Variants in JUNB observed in about 807,000 individuals in gnomAD.
The protein encoded by JUNB is JunB proto-oncogene, AP-1 transcription factor subunit, also known as transcription factor JunB.
Under a neutral mutation model 16.4 loss-of-function variants are expected in JUNB, and 6 were observed. The observed-to-expected ratio is 0.37, with a 90% CI of 0.20 to 0.72. JUNB has a LOEUF of 0.72. JUNB is among the 30% of genes least tolerant of loss of function. The pLI is 0.53. For missense variants in JUNB, 389 were observed against 492.9 expected, an observed-to-expected ratio of 0.79 and a Z score of 2.00; for synonymous variants, 226 against 232.8, an observed-to-expected ratio of 0.97 and a Z score of 0.27.
In JUNB at chr19:12,792,530, C is replaced by T. The variant is rs770444455; in HGVS notation, c.759C>T (p.Asp253=). Residue 253 remains aspartate, a synonymous_variant, in exon 1 of 1, where the codon GAC becomes GAT. Transcript: ENST00000302754. The part of the protein sequence containing the change: ...PQTVPEARSR[D]ATPPVSPINM... ...CCGTGCCGGAGGCGCGCAGCCGGGA[C>T]GCCACGCCGCCGGTGTCCCCCATCA... 4 of 1,568,950 alleles carry T rather than the reference C, an allele frequency of 2.5e-6. No homozygotes were observed. The East Asian group carries it at 7.0e-5, about 28-fold the overall frequency.
chr19:12,792,185 C>CTT lies in JUNB; in HGVS notation c.416_417dup (p.Val140LeufsTer11). On this transcript the variant is annotated frameshift_variant, in exon 1 of 1. Coordinates refer to ENST00000302754, the MANE Select transcript of JUNB (RefSeq NM_002229.3). LOFTEE classifies it high-confidence loss of function. ...AGGAGCAGGAGGGCTTCGCCGACGG[C>CTT]TTTGTCAAAGCCCTGGACGATCTGC... 6.3e-7 allele frequency: 1 copy of CTT among 1,584,120 alleles called. No homozygotes were observed. The highest frequency in any genetic ancestry group is 8.6e-7 in the Non-Finnish European group (1 of 1,166,050).
Position 12,791,820 on chromosome 19 carries a change from G to C in JUNB, c.49G>C (p.Ala17Pro), listed in dbSNP as rs1205150783. The change falls in exon 1 of 1, where the codon GCT becomes CCT. Residue 17 changes from alanine (A) to proline (P), a missense_variant. By Grantham distance (27) the Ala-to-Pro change is conservative. Around this residue, in one of 2 missense-constraint regions of JUNB, gnomAD observed 349 missense variants for 389.8 expected, o/e 0.90. Transcript: ENST00000302754. This position sits in a 1 kb window ranked among gnomAD's most constrained non-coding sequence, Gnocchi z 7.0. ...CTTCTACCACGACGACTCATACACA[G>C]CTACGGGATACGGCCGGGCCCCTGG... ...QPFYHDDSYTATGYGRAPGGL... is the reference protein window; with the variant it reads ...QPFYHDDSYTPTGYGRAPGGL... 6.2e-7 allele frequency: 1 copy of C among 1,613,638 alleles called. No homozygotes were observed. Among genetic ancestry groups the C allele is most frequent in the Non-Finnish European group, 8.5e-7 (1 of 1,179,860 alleles).
Position 12,792,386 on chromosome 19 carries a change from G to C in JUNB, c.615G>C (p.Gly205=). ...SGGAGAAVGT[G]SSYPTTTISY... Reference sequence around the variant, plus strand: ...GCGCCGGGGCTGCCGTCGGGACCGGGAGCTCGTACCCGACGACCACCATCA... The same window carrying C: ...GCGCCGGGGCTGCCGTCGGGACCGGCAGCTCGTACCCGACGACCACCATCA... The change falls in exon 1 of 1, where the codon GGG becomes GGC. Residue 205 remains glycine, a synonymous_variant. Transcript: ENST00000302754. The C allele has an allele frequency of 6.3e-7, 1 of 1,588,574 alleles. No individual in the cohort carries two copies. The highest frequency in any genetic ancestry group is 8.5e-7 in the Non-Finnish European group (1 of 1,170,162).
In JUNB at chr19:12,793,081, G is replaced by A; in HGVS notation, c.*266G>A. 2.6e-6 allele frequency: 1 copy of A among 381,618 alleles called. No homozygotes were observed. The highest frequency in any genetic ancestry group is 5.0e-6 in the Non-Finnish European group (1 of 199,326). The allele number at this position is 381,618 out of a possible 1,614,324, so 23.6% of individuals were successfully genotyped here. On this transcript the variant is annotated 3_prime_UTR_variant, in exon 1 of 1. Coordinates refer to ENST00000302754, the MANE Select transcript of JUNB (RefSeq NM_002229.3). This position sits in a 1 kb window ranked among gnomAD's most constrained non-coding sequence, Gnocchi z 6.1. ...TATAATATATTTGTGTATTTAACAG[G>A]GAGGGGAAGAGGGGGCGATCGCGGC... is the stretch of plus-strand genomic sequence containing the variant.
In JUNB at chr19:12,791,568, GCCA is replaced by G. The variant is rs1186055980; in HGVS notation, c.-203_-201del. On this transcript the variant is annotated 5_prime_UTR_variant, in exon 1 of 1. Transcript: ENST00000302754. This position sits in a 1 kb window ranked among gnomAD's most constrained non-coding sequence, Gnocchi z 7.0. Reference sequence around the variant, plus strand: ...GAAACGACGCCAGGAAAGCTATCGCGCCAGAGAGGGCGACGGGGGCTCGGGAAG... The same window carrying G: ...GAAACGACGCCAGGAAAGCTATCGCGGAGAGGGCGACGGGGGCTCGGGAAG... 1 of 504,960 alleles carries G rather than the reference GCCA, an allele frequency of 2.0e-6. No homozygotes were observed. The highest frequency in any genetic ancestry group is 2.0e-5 in the African/African-American group (1 of 48,784). The allele number at this position is 504,960 out of a possible 1,614,324, so 31.3% of individuals were successfully genotyped here.
chr19:12,793,214 C>T lies in JUNB; in HGVS notation c.*399C>T, dbSNP rs1203850159. On this transcript the variant is annotated 3_prime_UTR_variant, in exon 1 of 1. Transcript: ENST00000302754. The surrounding 1 kb of genome is among the most constrained non-coding windows in gnomAD (Gnocchi z 6.1). Reference sequence around the variant, plus strand: ...CCGTACTGTGGAAAAGAAACACGCACTTAGTCTCTAAAGAGTTTATTTTAA... The same window carrying T: ...CCGTACTGTGGAAAAGAAACACGCATTTAGTCTCTAAAGAGTTTATTTTAA... 1.0e-5 allele frequency: 2 copies of T among 194,422 alleles called. No individual in the cohort carries two copies. Among genetic ancestry groups the T allele is most frequent in the Non-Finnish European group, 2.3e-5 (2 of 85,678 alleles). The allele number at this position is 194,422 out of a possible 1,614,324, so 12.0% of individuals were successfully genotyped here.
In JUNB at chr19:12,791,733, C is replaced by T. The variant is rs775843044; in HGVS notation, c.-39C>T. 2.7e-6 allele frequency: 4 copies of T among 1,485,402 alleles called. No homozygotes were observed. The East Asian group carries it at 9.2e-5, about 34-fold the overall frequency. 92.0% of individuals were successfully genotyped at this position (1,485,402 alleles called of 1,614,324 possible). On this transcript the variant is annotated 5_prime_UTR_variant, in exon 1 of 1. Transcript: ENST00000302754. This position sits in a 1 kb window ranked among gnomAD's most constrained non-coding sequence, Gnocchi z 7.0. ...CTCGCTGCAGCGAGGCCCGGAGCGG[C>T]CCCGCAGGGACCCTCCCCAGACCGC... is the stretch of plus-strand genomic sequence containing the variant.
At position 12,792,425 on chromosome 19, in the gene JUNB, C is replaced by G. The variant is rs769429431; in HGVS notation, c.654C>G (p.His218Gln). Residue 218 changes from histidine (H) to glutamine (Q), a missense_variant, in exon 1 of 1, where the codon CAC becomes CAG. Around this residue, in one of 2 missense-constraint regions of JUNB, gnomAD observed 349 missense variants for 389.8 expected, o/e 0.90. Transcript: ENST00000302754. ...YPTTTISYLPHAPPFAGGHPA... is the reference protein window; with the variant it reads ...YPTTTISYLPQAPPFAGGHPA... Reference sequence around the variant, plus strand: ...CGACCACCATCAGCTACCTCCCACACGCGCCGCCCTTCGCCGGTGGCCACC... The same window carrying G: ...CGACCACCATCAGCTACCTCCCACAGGCGCCGCCCTTCGCCGGTGGCCACC... 1 of 1,602,022 alleles carries G rather than the reference C, an allele frequency of 6.2e-7. No individual in the cohort carries two copies. Among genetic ancestry groups the G allele is most frequent in the Non-Finnish European group, 8.5e-7 (1 of 1,177,390 alleles).
In JUNB at chr19:12,792,477, G is replaced by T. The variant is rs1322696442; in HGVS notation, c.706G>T (p.Ala236Ser). ...HPAQLGLGRGASTFKEEPQTV... is the reference protein window; with the variant it reads ...HPAQLGLGRGSSTFKEEPQTV... ...GGCGCAGCTGGGCTTGGGCCGCGGC[G>T]CCTCCACCTTCAAGGAGGAACCGCA... Residue 236 changes from alanine to serine, a missense_variant, in exon 1 of 1, where the codon GCC (alanine) becomes TCC (serine). By Grantham distance (99) the Ala-to-Ser change is moderately conservative. Transcript: ENST00000302754. 3 of 1,590,436 alleles carry T rather than the reference G, an allele frequency of 1.9e-6. No homozygotes were observed. Among genetic ancestry groups the T allele is most frequent in the Non-Finnish European group, 2.6e-6 (3 of 1,171,610 alleles).
In JUNB at chr19:12,791,854, C is replaced by G; in HGVS notation, c.83C>G (p.Ser28Cys). The G allele has an allele frequency of 6.2e-7, 1 of 1,613,618 alleles. No individual in the cohort carries two copies. Among genetic ancestry groups the G allele is most frequent in the East Asian group, 2.2e-5 (1 of 44,862 alleles). ...TGYGRAPGGL[S>C]LHDYKLLKPS... is the part of the protein sequence containing the mutation. ...TACGGCCGGGCCCCTGGTGGCCTCT[C>G]TCTACACGACTACAAACTCCTGAAA... Residue 28 changes from serine to cysteine, a missense_variant, in exon 1 of 1, where the codon TCT (serine) becomes TGT (cysteine). This residue lies in a region of JUNB where 349 missense variants were observed against 389.8 expected (regional missense o/e 0.90). Transcript: ENST00000302754. The surrounding 1 kb of genome is among the most constrained non-coding windows in gnomAD (Gnocchi z 7.0).
At position 12,792,198 on chromosome 19, in the gene JUNB, C is replaced by A; in HGVS notation, c.427C>A (p.Leu143Met). Reference protein sequence around the residue: ...EGFADGFVKALDDLHKMNHVT... With the variant: ...EGFADGFVKAMDDLHKMNHVT... Reference sequence around the variant, plus strand: ...CTTCGCCGACGGCTTTGTCAAAGCCCTGGACGATCTGCACAAGATGAACCA... The same window carrying A: ...CTTCGCCGACGGCTTTGTCAAAGCCATGGACGATCTGCACAAGATGAACCA... Residue 143 changes from leucine (L) to methionine (M), a missense_variant, in exon 1 of 1, where the codon CTG becomes ATG. Leu to Met is a conservative substitution (Grantham distance 15, BLOSUM62 2). Coordinates refer to ENST00000302754, the MANE Select transcript of JUNB (RefSeq NM_002229.3). The A allele has an allele frequency of 6.4e-7, 1 of 1,572,904 alleles. No individual in the cohort carries two copies. Among genetic ancestry groups the A allele is most frequent in the Non-Finnish European group, 8.6e-7 (1 of 1,159,688 alleles).
Position 12,791,487 on chromosome 19 carries a change from G to A in JUNB, c.-285G>A. 1 of 380,822 alleles carries A rather than the reference G, an allele frequency of 2.6e-6. No homozygotes were observed. Among genetic ancestry groups the A allele is most frequent in the Non-Finnish European group, 4.7e-6 (1 of 211,442 alleles). The allele number at this position is 380,822 out of a possible 1,614,324, so 23.6% of individuals were successfully genotyped here. A position where few individuals can be genotyped will look rare whatever the true frequency, so the allele number is the denominator to read the frequency against. On this transcript the variant is annotated 5_prime_UTR_variant, in exon 1 of 1. Transcript: ENST00000302754. This position sits in a 1 kb window ranked among gnomAD's most constrained non-coding sequence, Gnocchi z 7.0. Reference sequence around the variant, plus strand: ...GCGTGTGGCTCAGGCTGAGCGGCTGGGACCTTGAGAGCGGCCAGGCCAGCC... The same window carrying A: ...GCGTGTGGCTCAGGCTGAGCGGCTGAGACCTTGAGAGCGGCCAGGCCAGCC...
chr19:12,793,013 GTA>G lies in JUNB; in HGVS notation c.*200_*201del, dbSNP rs1161790284. ...CAAGCCCCCCCTTCCACTTTTTTTTGTATGTTTTTTTTCTGCTGGAAACAGAC... is the reference window on the plus strand; with the variant it reads ...CAAGCCCCCCCTTCCACTTTTTTTTGTGTTTTTTTTCTGCTGGAAACAGAC... On this transcript the variant is annotated 3_prime_UTR_variant, in exon 1 of 1. Coordinates refer to ENST00000302754, the MANE Select transcript of JUNB (RefSeq NM_002229.3). This position sits in a 1 kb window ranked among gnomAD's most constrained non-coding sequence, Gnocchi z 6.1. 3.4e-6 allele frequency: 2 copies of G among 583,080 alleles called. No individual in the cohort carries two copies. The highest frequency in any genetic ancestry group is 3.1e-5 in the Admixed American group (1 of 32,382). The allele number at this position is 583,080 out of a possible 1,614,324, so 36.1% of individuals were successfully genotyped here.
In JUNB at chr19:12,792,961, C is replaced by A; in HGVS notation, c.*146C>A. ...ACTGGACTCCGGCCCTCCTACCCTG[C>A]GCCCAGTCCTTCCACCTCGACGTTT... is the stretch of plus-strand genomic sequence containing the variant. On this transcript the variant is annotated 3_prime_UTR_variant, in exon 1 of 1. Coordinates refer to ENST00000302754, the MANE Select transcript of JUNB (RefSeq NM_002229.3). 1 of 824,974 alleles carries A rather than the reference C, an allele frequency of 1.2e-6. No individual in the cohort carries two copies. Among genetic ancestry groups the A allele is most frequent in the Non-Finnish European group, 1.9e-6 (1 of 533,114 alleles). The allele number at this position is 824,974 out of a possible 1,614,324, so 51.1% of individuals were successfully genotyped here. A position where few individuals can be genotyped will look rare whatever the true frequency, so the allele number is the denominator to read the frequency against.
Position 12,791,712 on chromosome 19 carries a change from C to A in JUNB, c.-60C>A. On this transcript the variant is annotated 5_prime_UTR_variant, in exon 1 of 1. The change creates a new upstream start codon in the 5' untranslated region. Transcript: ENST00000302754. The surrounding 1 kb of genome is among the most constrained non-coding windows in gnomAD (Gnocchi z 7.0). ...ACCGCAGCGGAGAGCTCGCCGCTCG[C>A]TGCAGCGAGGCCCGGAGCGGCCCCG... The A allele has an allele frequency of 7.6e-7, 1 of 1,312,398 alleles. No individual in the cohort carries two copies. Among genetic ancestry groups the A allele is most frequent in the Non-Finnish European group, 1.0e-6 (1 of 959,300 alleles). 81.3% of individuals were successfully genotyped at this position (1,312,398 alleles called of 1,614,324 possible). A position where few individuals can be genotyped will look rare whatever the true frequency, so the allele number is the denominator to read the frequency against.
rs1318586281 is a variant in JUNB, at chr19:12,792,056, C to T, written c.285C>T (p.Ser95=). The T allele has an allele frequency of 6.2e-7, 1 of 1,610,094 alleles. No homozygotes were observed. Among genetic ancestry groups the T allele is most frequent in the Non-Finnish European group, 8.5e-7 (1 of 1,178,890 alleles). The change falls in exon 1 of 1, where the codon AGC becomes AGT. Residue 95 remains serine (S), a synonymous_variant. Coordinates refer to ENST00000302754, the MANE Select transcript of JUNB (RefSeq NM_002229.3). The stretch of plus-strand genomic sequence containing the variant: ...TGGAACGCCTGATTGTCCCCAACAG[C>T]AACGGCGTGATCACGACGACGCCTA... ...SELERLIVPN[S]NGVITTTPTP... is the part of the protein sequence containing the mutation.
chr19:12,791,563 A>G lies in JUNB; in HGVS notation c.-209A>G, dbSNP rs17886698. ...TGGGGGAAACGACGCCAGGAAAGCT[A>G]TCGCGCCAGAGAGGGCGACGGGGGC... On this transcript the variant is annotated 5_prime_UTR_variant, in exon 1 of 1. Coordinates refer to ENST00000302754, the MANE Select transcript of JUNB (RefSeq NM_002229.3). This position sits in a 1 kb window ranked among gnomAD's most constrained non-coding sequence, Gnocchi z 7.0. 22,692 of 492,628 alleles carry G rather than the reference A, an allele frequency of 0.046. 755 individuals are homozygous for G. Among genetic ancestry groups the G allele is most frequent in the African/African-American group, 0.12 (5,827 of 48,722 alleles). 30.5% of individuals were successfully genotyped at this position (492,628 alleles called of 1,614,324 possible).
In JUNB at chr19:12,791,718, C is replaced by G; in HGVS notation, c.-54C>G. 2 of 1,353,314 alleles carry G rather than the reference C, an allele frequency of 1.5e-6. No individual in the cohort carries two copies. Among genetic ancestry groups the G allele is most frequent in the Non-Finnish European group, 2.0e-6 (2 of 992,636 alleles). The allele number at this position is 1,353,314 out of a possible 1,614,324, so 83.8% of individuals were successfully genotyped here. On this transcript the variant is annotated 5_prime_UTR_variant, in exon 1 of 1. Coordinates refer to ENST00000302754, the MANE Select transcript of JUNB (RefSeq NM_002229.3). The surrounding 1 kb of genome is among the most constrained non-coding windows in gnomAD (Gnocchi z 7.0). The stretch of plus-strand genomic sequence containing the variant: ...GCGGAGAGCTCGCCGCTCGCTGCAG[C>G]GAGGCCCGGAGCGGCCCCGCAGGGA...
Position 12,793,110 on chromosome 19 carries a change from G to C in JUNB, c.*295G>C, listed in dbSNP as rs1033049543. 3.1e-6 allele frequency: 1 copy of C among 317,892 alleles called. No homozygotes were observed. Among genetic ancestry groups the C allele is most frequent in the East Asian group, 5.8e-5 (1 of 17,300 alleles). 19.7% of individuals were successfully genotyped at this position (317,892 alleles called of 1,614,324 possible). A position where few individuals can be genotyped will look rare whatever the true frequency, so the allele number is the denominator to read the frequency against. On this transcript the variant is annotated 3_prime_UTR_variant, in exon 1 of 1. Coordinates refer to ENST00000302754, the MANE Select transcript of JUNB (RefSeq NM_002229.3). The surrounding 1 kb of genome is among the most constrained non-coding windows in gnomAD (Gnocchi z 6.1). ...GGGAAGAGGGGGCGATCGCGGCGGA[G>C]CTGGCCCCGCCGCCTGGTACTCAAG...
Sources: allele counts gnomAD v4.1 joint callset, GRCh38; gene constraint gnomAD v4.1.1; regional missense constraint gnomAD v4.1.1; non-coding constraint Gnocchi (gnomAD v3.1); transcripts MANE v1.5; gene names NCBI Gene and HGNC (gene_info 2026-07-23, HGNC 2026-07-21).